The following PHLPP2 variants were observed in gnomAD, a reference collection of about 807,000 sequenced individuals.
PHLPP2 encodes PH domain leucine-rich repeat-containing protein phosphatase 2.
A neutral mutation model predicts 124.9 loss-of-function variants in PHLPP2; 66 were observed. The observed-to-expected ratio is 0.53, with a 90% confidence interval of 0.43 to 0.65. The LOEUF (loss-of-function observed/expected upper bound fraction) is 0.65, where lower values mean the gene tolerates loss of function less well. Ranked by LOEUF, PHLPP2 falls within the 30% of genes least tolerant of loss-of-function variation. The pLI is 0.00. For missense variants in PHLPP2, 1,685 were observed against 1,600.4 expected, an observed-to-expected ratio of 1.05 and a Z score of -0.90; for synonymous variants, 681 against 624.7, an observed-to-expected ratio of 1.09 and a Z score of -1.34.
chr16:71,649,266 C>T lies in PHLPP2; in HGVS notation c.3596G>A (p.Arg1199Lys). Reference sequence around the variant, plus strand: ...TCTTCGGATCCCAAAACACGACCCTCTAGCATGTTCCTCAGAACACAGGGT... The same window carrying T: ...TCTTCGGATCCCAAAACACGACCCTTTAGCATGTTCCTCAGAACACAGGGT... ...SPTLCSEEHA[R>K]GSCFGIRRQN... The change falls in exon 19 of 19, where the codon AGA becomes AAA. Residue 1199 changes from arginine (R) to lysine (K), a missense_variant. Coordinates refer to ENST00000568954, the MANE Select transcript of PHLPP2 (RefSeq NM_015020.3). 1 of 1,614,010 alleles carries T rather than the reference C, an allele frequency of 6.2e-7. No individual in the cohort carries two copies. The highest frequency in any genetic ancestry group is 1.1e-5 in the South Asian group (1 of 91,086).
intron 1 of PHLPP2, among the ~76,000 whole-genome samples, chr16:71,716,966 T>G (rs2045367087): frequency 6.6e-6 from 1 of 152,238 alleles, no homozygotes; most frequent in Admixed American, 6.5e-5. Context: ...TCTTCTCCAT[T>G]TCTAGCATGT....
intron 9 of PHLPP2, among the ~76,000 whole-genome samples, chr16:71,674,869 C>A (rs1405482507): frequency 2.6e-5 from 4 of 152,170 alleles, no homozygotes; most frequent in Admixed American, 2.6e-4. Flanking sequence ...TGGTGGCACA[C>A]TCCTGTAATC....
Position 71,679,425 on chromosome 16 carries a change from A to T in PHLPP2, c.1001T>A (p.Phe334Tyr). The T allele has an allele frequency of 6.2e-7, 1 of 1,613,980 alleles. No individual in the cohort carries two copies. The highest frequency in any genetic ancestry group is 2.2e-5 in the East Asian group (1 of 44,868). Residue 334 changes from phenylalanine (F) to tyrosine (Y), a missense_variant, in exon 7 of 19, where the codon TTT becomes TAT. By Grantham distance (22) the Phe-to-Tyr change is conservative. Transcript: ENST00000568954. Reference sequence around the variant, plus strand: ...GCCAATTTGACTTGGTAGGTCATGAAATCCATTACAGGAAAGGTTGAGCTC... The same window carrying T: ...GCCAATTTGACTTGGTAGGTCATGATATCCATTACAGGAAAGGTTGAGCTC... ...LTELNLSCNG[F>Y]HDLPSQIGNL...
Position 71,648,719 on chromosome 16 carries a change from C to A in PHLPP2, c.*171G>T. 1.7e-6 allele frequency: 1 copy of A among 604,230 alleles called. No homozygotes were observed. The highest frequency in any genetic ancestry group is 4.4e-4 in the Middle Eastern group (1 of 2,274). The allele number at this position is 604,230 out of a possible 1,614,324, so 37.4% of individuals were successfully genotyped here. Reference sequence around the variant, plus strand: ...CCCAGGGACAGAGGCTGCAGTGACCCGAGACCCCACCATTGCACTCCAGCC... The same window carrying A: ...CCCAGGGACAGAGGCTGCAGTGACCAGAGACCCCACCATTGCACTCCAGCC... On this transcript the variant is annotated 3_prime_UTR_variant, in exon 19 of 19. Coordinates refer to ENST00000568954, the MANE Select transcript of PHLPP2 (RefSeq NM_015020.3).
chr16:71,657,448 G>A (rs1210112444), intron 15 of PHLPP2, among the ~76,000 whole-genome samples: 1 of 150,514 alleles, frequency 6.6e-6, no homozygotes, highest in Admixed American at 6.7e-5. Context: ...AGGCTGGAGT[G>A]CAGTGGCGTG....
At chr16:71,676,423 C>T in intron 9 of PHLPP2, 24 bp downstream of exon 9, 2 of 1,600,262 alleles carry the variant, frequency 1.2e-6, no homozygotes, top group Non-Finnish European at 1.7e-6. Context: ...AGAGAAAAAA[C>T]AAAAGGCTGC....
intron 3 of PHLPP2, among the ~76,000 whole-genome samples, chr16:71,700,588 C>T (rs139897342): frequency 2.2e-4 from 32 of 143,700 alleles, no homozygotes; most frequent in African/African-American, 7.2e-4. Context: ...TGCAGGGGCA[C>T]GATCTCGGCT....
intron 3 of PHLPP2, among the ~76,000 whole-genome samples, chr16:71,694,296 T>C (rs899153766): frequency 6.6e-6 from 1 of 151,322 alleles, no homozygotes; most frequent in African/African-American, 2.4e-5. Flanking sequence ...ATCCCATCTC[T>C]ACTAAAATAC....
chr16:71,688,974 T>C (rs945340781), intron 4 of PHLPP2, among the ~76,000 whole-genome samples: 3 of 152,222 alleles, frequency 2.0e-5, no homozygotes, highest in Non-Finnish European at 2.9e-5. Flanking sequence ...CAGTGCTTAA[T>C]GGCAGTTATT....
intron 1 of PHLPP2, 192 bp from the exon 2 acceptor site, chr16:71,714,993 G>A (rs560751300): frequency 1.5e-6 from 1 of 648,978 alleles, no homozygotes; most frequent in South Asian, 2.2e-5. Context: ...CTTTACTGCT[G>A]TCTGTGTTTC....
At chr16:71,686,434 A>G (rs59650052) in intron 4 of PHLPP2, among the ~76,000 whole-genome samples, 29,759 of 152,012 alleles carry the variant, frequency 0.2, 3,261 homozygotes, top group South Asian at 0.47. Flanking sequence ...TCAGCCTCCC[A>G]AAGTGCTAGG....
intron 16 of PHLPP2, 50 bp downstream of exon 16, chr16:71,656,521 G>T: frequency 9.5e-7 from 1 of 1,054,716 alleles, no homozygotes; most frequent in Non-Finnish European, 1.5e-6. Flanking sequence ...GTTCTCAGAT[G>T]CCAGGGGCTG....
chr16:71,682,124 A>G (rs956786028), intron 5 of PHLPP2, among the ~76,000 whole-genome samples: 2 of 152,134 alleles, frequency 1.3e-5, no homozygotes, highest in South Asian at 2.1e-4. Flanking sequence ...TAAAGTCTCT[A>G]TAAGTACAAG....
chr16:71,708,963 A>G (rs965443142), intron 2 of PHLPP2, among the ~76,000 whole-genome samples: 1 of 144,760 alleles, frequency 6.9e-6, no homozygotes. Flanking sequence ...GCATGATCCA[A>G]TCTCTATTTT....
intron 3 of PHLPP2, among the ~76,000 whole-genome samples, chr16:71,693,872 C>G (rs945846639): frequency 8.5e-5 from 13 of 152,170 alleles, no homozygotes; most frequent in African/African-American, 3.1e-4. Flanking sequence ...TTCCTATCAG[C>G]TAGCAAAATA....
intron 18 of PHLPP2, among the ~76,000 whole-genome samples, chr16:71,652,150 C>T (rs916331723): frequency 6.6e-6 from 1 of 152,136 alleles, no homozygotes. Flanking sequence ...AACTTGTTTC[C>T]AAAATATACA....
chr16:71,676,525 G>A lies in PHLPP2; in HGVS notation c.1393C>T (p.Leu465=), dbSNP rs61733123. Residue 465 remains leucine (L), a synonymous_variant, in exon 9 of 19, where the codon CTG becomes TTG. Transcript: ENST00000568954. ...DLSSLCSLEQ[L]HCGRNQLREL... ...CTCAGCTGATTCCGCCCACAGTGCAGCTGTTCCAAGCTGCATAAGGAGCTA... is the reference window on the plus strand; with the variant it reads ...CTCAGCTGATTCCGCCCACAGTGCAACTGTTCCAAGCTGCATAAGGAGCTA... 0.058 allele frequency: 93,678 copies of A among 1,613,932 alleles called. 3,118 individuals carry two copies. The highest frequency in any genetic ancestry group is 0.13 in the Middle Eastern group (783 of 6,062).
At chr16:71,668,490 G>A (rs2044860325) in intron 11 of PHLPP2, among the ~76,000 whole-genome samples, 1 of 151,548 alleles carries the variant, frequency 6.6e-6, no homozygotes, top group South Asian at 2.1e-4. Context: ...GGCCAGGTGT[G>A]GTGGCTCACG....
In PHLPP2 at chr16:71,652,803, G is replaced by C; in HGVS notation, c.2804C>G (p.Ala935Gly). The part of the protein sequence containing the change: ...EEAQRVKDQK[A>G]IITEDNKVNG... ...AGCGGAACACACCTCTGTGATGATGGCTTTTTGGTCCTTCACCCTTTGAGC... is the reference window on the plus strand; with the variant it reads ...AGCGGAACACACCTCTGTGATGATGCCTTTTTGGTCCTTCACCCTTTGAGC... The change falls in exon 18 of 19, where the codon GCC (alanine) becomes GGC (glycine). Residue 935 changes from alanine (A) to glycine (G), a missense_variant. Coordinates refer to ENST00000568954, the MANE Select transcript of PHLPP2 (RefSeq NM_015020.3). 1 of 1,613,332 alleles carries C rather than the reference G, an allele frequency of 6.2e-7. No homozygotes were observed. Among genetic ancestry groups the C allele is most frequent in the Non-Finnish European group, 8.5e-7 (1 of 1,179,276 alleles).
Sources: gnomAD v4.1 joint callset for allele counts (sites outside exome capture counted in the v4.1 genomes callset) on GRCh38, gnomAD v4.1.1 for gene constraint, MANE v1.5 for transcripts, NCBI Gene and HGNC (gene_info 2026-07-23, HGNC 2026-07-21) for gene names.